The following FKBP5 variants were observed in gnomAD, a reference collection of about 807,000 sequenced individuals.
FKBP5 encodes FKBP prolyl isomerase 5, also known as peptidyl-prolyl cis-trans isomerase FKBP5.
A neutral mutation model predicts 50.5 loss-of-function variants in FKBP5; 23 were observed. That is an observed-to-expected ratio of 0.46 (90% CI 0.33 to 0.65). The LOEUF (loss-of-function observed/expected upper bound fraction) is 0.65. Ranked by LOEUF, FKBP5 falls within the 30% of genes least tolerant of loss-of-function variation. FKBP5 has a pLI of 0.02. For synonymous variants in FKBP5, 176 were observed against 190.6 expected (o/e 0.92, Z 0.63); for missense variants, 411 against 553.1 (o/e 0.74, Z 2.58).
chr6:35,725,446 A>G (rs1307626765), intron 1 of FKBP5, among the ~76,000 whole-genome samples: 1 of 152,202 alleles, frequency 6.6e-6, no homozygotes, highest in African/African-American at 2.4e-5. Context: ...GAGAAACTCC[A>G]GACCTGGTGT....
chr6:35,699,104 T>C (rs1444683382), intron 2 of FKBP5, among the ~76,000 whole-genome samples: 3 of 152,202 alleles, frequency 2.0e-5, no homozygotes, highest in African/African-American at 7.2e-5. Context: ...TGAACAGGGC[T>C]GAATGATCCA....
chr6:35,655,946 T>C (rs981383496), intron 1 of FKBP5, among the ~76,000 whole-genome samples: 3 of 152,166 alleles, frequency 2.0e-5, no homozygotes, highest in African/African-American at 4.8e-5. Flanking sequence ...TTGGTTTAAA[T>C]ATGGACAGTC....
chr6:35,684,369 G>A (rs1366386753), intron 1 of FKBP5, among the ~76,000 whole-genome samples: 1 of 151,930 alleles, frequency 6.6e-6, no homozygotes, highest in Non-Finnish European at 1.5e-5. Flanking sequence ...GTAGAGAGGA[G>A]GTTTCACCAT....
Position 35,597,513 on chromosome 6 carries a change from C to T in FKBP5, c.509-109G>A. ...ATGTAGCAAATACCATTTCCCCTTT[C>T]TCATTTCATCAAGAGACACACACAG... On this transcript the variant is annotated intron_variant, in intron 5 of 10. Coordinates refer to ENST00000357266, the MANE Select transcript of FKBP5 (RefSeq NM_004117.4). 4 of 1,279,880 alleles carry T rather than the reference C, an allele frequency of 3.1e-6. No homozygotes were observed. The South Asian group carries it at 6.2e-5, about 20-fold the overall frequency. The allele number at this position is 1,279,880 out of a possible 1,614,324, so 79.3% of individuals were successfully genotyped here.
intron 6 of FKBP5, among the ~76,000 whole-genome samples, chr6:35,596,229 C>T (rs1762978867): frequency 6.6e-6 from 1 of 152,068 alleles, no homozygotes; most frequent in African/African-American, 2.4e-5. Context: ...GTGGCGGGTG[C>T]CTGTAATGCC....
At chr6:35,677,288 T>C (rs1269850612) in intron 1 of FKBP5, among the ~76,000 whole-genome samples, 1 of 151,912 alleles carries the variant, frequency 6.6e-6, no homozygotes, top group Non-Finnish European at 1.5e-5. Flanking sequence ...TTAGCCAGAG[T>C]GGTCTCGATC....
At chr6:35,704,910 G>A (rs979790444) in intron 2 of FKBP5, among the ~76,000 whole-genome samples, 6 of 151,850 alleles carry the variant, frequency 4.0e-5, no homozygotes, top group African/African-American at 1.5e-4. Context: ...GGGAGGCCGA[G>A]GCGGGCGGAT....
intron 3 of FKBP5, among the ~76,000 whole-genome samples, chr6:35,633,921 C>T (rs768310052): frequency 2.0e-5 from 3 of 152,070 alleles, no homozygotes; most frequent in African/African-American, 4.8e-5. Flanking sequence ...TCCATGAGAC[C>T]GCACTGACTC....
At chr6:35,597,984 A>T (rs1235001699) in intron 5 of FKBP5, among the ~76,000 whole-genome samples, 1 of 152,220 alleles carries the variant, frequency 6.6e-6, no homozygotes, top group South Asian at 2.1e-4. Flanking sequence ...TATATCCCTT[A>T]CTGGAAATAA....
intron 3 of FKBP5, among the ~76,000 whole-genome samples, chr6:35,627,945 T>G (rs942781921): frequency 6.7e-6 from 1 of 149,426 alleles, no homozygotes; most frequent in African/African-American, 2.5e-5. Flanking sequence ...TTTTTTTTTT[T>G]TTTTTTAGTA....
In FKBP5 at chr6:35,592,825, C is replaced by G. The variant is rs58384298; in HGVS notation, c.666-1605G>C. Reference sequence around the variant, plus strand: ...GCTACTGGTATCTGGTGGGAAGAGGCCAGGAATACTGCTGGATATTCTACA... The same window carrying G: ...GCTACTGGTATCTGGTGGGAAGAGGGCAGGAATACTGCTGGATATTCTACA... On this transcript the variant is annotated intron_variant, in intron 6 of 10. Transcript: ENST00000357266. 5.0e-3 allele frequency among the ~76,000 whole-genome samples: 761 copies of G among 152,210 alleles called. 3 individuals are homozygous for G. The highest frequency in any genetic ancestry group is 0.018 in the African/African-American group (728 of 41,530).
At chr6:35,700,553 T>C (rs1235431502) in intron 2 of FKBP5, among the ~76,000 whole-genome samples, 1 of 152,104 alleles carries the variant, frequency 6.6e-6, no homozygotes, top group Non-Finnish European at 1.5e-5. Flanking sequence ...CCAAGAAGCT[T>C]TCAAAGGTAT....
chr6:35,609,560 A>T (rs2150971256), intron 5 of FKBP5, among the ~76,000 whole-genome samples: 1 of 152,186 alleles, frequency 6.6e-6, no homozygotes, highest in East Asian at 1.9e-4. Flanking sequence ...GGCCCTTTCG[A>T]TCTTAAGAAT....
chr6:35,678,875 A>G (rs1765593258), intron 1 of FKBP5, among the ~76,000 whole-genome samples: 1 of 152,196 alleles, frequency 6.6e-6, no homozygotes, highest in African/African-American at 2.4e-5. Flanking sequence ...TGAGCCCAGG[A>G]TTTTAAGACC....
At chr6:35,646,385 CA>C (rs1402737736) in intron 1 of FKBP5, among the ~76,000 whole-genome samples, 1 of 152,056 alleles carries the variant, frequency 6.6e-6, no homozygotes, top group African/African-American at 2.4e-5. Flanking sequence ...AATTAAAACA[CA>C]AAGATAAAAA....
rs1252463592 is a variant in FKBP5, at chr6:35,591,538, T to C, written c.666-318A>G. 7.0e-5 allele frequency among the ~76,000 whole-genome samples: 10 copies of C among 143,800 alleles called. No individual in the cohort carries two copies. The East Asian group carries it at 1.6e-3, about 23-fold the overall frequency. The allele number at this position is 143,800 out of a possible 152,430, so 94.3% of individuals were successfully genotyped here. ...TTTCTCTACTTGATTTCATATCTAG[T>C]TTTTTTTTTTTAATAAAATGGCCAT... On this transcript the variant is annotated intron_variant, in intron 6 of 10. Coordinates refer to ENST00000357266, the MANE Select transcript of FKBP5 (RefSeq NM_004117.4).
Position 35,659,470 on chromosome 6 carries a change from G to A in FKBP5, c.-19-16627C>T, listed in dbSNP as rs1309621379. 9.6e-5 allele frequency among the ~76,000 whole-genome samples: 8 copies of A among 83,608 alleles called. 4 individuals are homozygous for A. Among genetic ancestry groups the A allele is most frequent in the African/African-American group, 3.0e-4 (8 of 26,992 alleles). 54.9% of individuals were successfully genotyped at this position (83,608 alleles called of 152,430 possible). A position where few individuals can be genotyped will look rare whatever the true frequency, so the allele number is the denominator to read the frequency against. On this transcript the variant is annotated intron_variant, in intron 1 of 10. Transcript: ENST00000357266. ...CCATGTTGGTCAGGCCGGTCTCAAAGTCCCGACCTCAGGTGATCCGCCTAC... is the reference window on the plus strand; with the variant it reads ...CCATGTTGGTCAGGCCGGTCTCAAAATCCCGACCTCAGGTGATCCGCCTAC...
At chr6:35,593,806 C>T (rs537579468) in intron 6 of FKBP5, among the ~76,000 whole-genome samples, 3 of 151,958 alleles carry the variant, frequency 2.0e-5, no homozygotes, top group East Asian at 1.9e-4. Flanking sequence ...CCTCCCGCCT[C>T]GGCCTCCCAA....
chr6:35,585,966 A>G, intron 8 of FKBP5: 4 of 984,826 alleles, frequency 4.1e-6, no homozygotes, highest in Non-Finnish European at 4.8e-6. Context: ...GTAACTTAAT[A>G]ATAGCATGTC....
Sources: allele counts gnomAD v4.1 joint callset (sites outside exome capture counted in the v4.1 genomes callset), GRCh38; gene constraint gnomAD v4.1.1; transcripts MANE v1.5; gene names NCBI Gene and HGNC (gene_info 2026-07-23, HGNC 2026-07-21).